The following BTBD9 variants were observed in gnomAD, a reference collection of about 807,000 sequenced individuals.
BTBD9 encodes the protein BTB domain containing 9.
BTBD9 carries 49 observed loss-of-function variants against 64.3 expected under a neutral mutation model. The ratio of observed to expected loss-of-function variants is 0.76; its 90% CI spans 0.61 to 0.97. The LOEUF (loss-of-function observed/expected upper bound fraction) is 0.97. Ranked by LOEUF, BTBD9 falls within the 50% of genes least tolerant of loss-of-function variation. The probability of loss-of-function intolerance (pLI) is 0.00; values close to 1 mark genes in which losing one functional copy is unlikely to be tolerated. For missense variants in BTBD9, 598 were observed against 762.1 expected, an observed-to-expected ratio of 0.78 and a Z score of 2.53; for synonymous variants, 260 against 274.7, an observed-to-expected ratio of 0.95 and a Z score of 0.53.
At chr6:38,249,972 T>C (rs1764337102) in intron 9 of BTBD9, among the ~76,000 whole-genome samples, 2 of 152,296 alleles carry the variant, frequency 1.3e-5, no homozygotes, top group South Asian at 2.1e-4. Context: ...CAAGGATCTA[T>C]AGTTTCTGAC....
intron 6 of BTBD9, among the ~76,000 whole-genome samples, chr6:38,397,977 G>A (rs1766756602): frequency 6.6e-6 from 1 of 152,192 alleles, no homozygotes; most frequent in South Asian, 2.1e-4. Flanking sequence ...TAATAGAGTA[G>A]AAGGAATGGA....
intron 7 of BTBD9, among the ~76,000 whole-genome samples, chr6:38,340,021 A>G (rs113283396): frequency 4.1e-4 from 62 of 152,338 alleles, no homozygotes; most frequent in African/African-American, 1.2e-3. Flanking sequence ...GCAAATGAAT[A>G]TTGTACTGTA....
chr6:38,375,548 C>T (rs1228313677), intron 6 of BTBD9, among the ~76,000 whole-genome samples: 1 of 152,170 alleles, frequency 6.6e-6, no homozygotes, highest in Non-Finnish European at 1.5e-5. Context: ...ACATTTTTGT[C>T]TATCACTTGC....
intron 9 of BTBD9, among the ~76,000 whole-genome samples, chr6:38,230,887 A>T (rs1763583568): frequency 6.6e-6 from 1 of 151,970 alleles, no homozygotes; most frequent in African/African-American, 2.4e-5. Context: ...CAGCCTAGTC[A>T]CTCTCTAATT....
At chr6:38,626,265 T>G (rs886493030) in intron 1 of BTBD9, among the ~76,000 whole-genome samples, 6 of 152,336 alleles carry the variant, frequency 3.9e-5, no homozygotes, top group African/African-American at 1.4e-4. Flanking sequence ...TCATGGAAAA[T>G]GGGGTATCCA....
intron 1 of BTBD9, among the ~76,000 whole-genome samples, chr6:38,613,651 A>G (rs1777692962): frequency 6.6e-6 from 1 of 152,100 alleles, no homozygotes; most frequent in Non-Finnish European, 1.5e-5. Context: ...TACAGCCCAT[A>G]TGGACACATG....
At chr6:38,301,226 G>C (rs952203348) in intron 7 of BTBD9, among the ~76,000 whole-genome samples, 12 of 152,188 alleles carry the variant, frequency 7.9e-5, no homozygotes, top group Admixed American at 3.3e-4. Context: ...GATCATGGTA[G>C]ATAAGCTTTT....
intron 2 of BTBD9, 118 bp downstream of exon 2, chr6:38,597,792 G>T: frequency 2.4e-6 from 2 of 819,422 alleles, no homozygotes; most frequent in South Asian, 1.9e-5. Context: ...CATAGATATT[G>T]AATTGAGAGA....
intron 7 of BTBD9, among the ~76,000 whole-genome samples, chr6:38,321,115 A>G (rs1474310754): frequency 6.6e-6 from 1 of 152,192 alleles, no homozygotes; most frequent in African/African-American, 2.4e-5. Flanking sequence ...TTTTAATTAA[A>G]CGAAGGGGTC....
intron 6 of BTBD9, among the ~76,000 whole-genome samples, chr6:38,450,835 A>G (rs1280271371): frequency 6.6e-6 from 1 of 152,202 alleles, no homozygotes; most frequent in Non-Finnish European, 1.5e-5. Flanking sequence ...GCATTCTAAC[A>G]AGGTCTCCAG....
chr6:38,484,972 C>T (rs1174631046), intron 6 of BTBD9, among the ~76,000 whole-genome samples: 2 of 152,170 alleles, frequency 1.3e-5, no homozygotes, highest in African/African-American at 4.8e-5. Context: ...TTATCTGTAG[C>T]ATACGATGCT....
At chr6:38,570,267 G>A (rs1775703597) in intron 6 of BTBD9, among the ~76,000 whole-genome samples, 1 of 152,154 alleles carries the variant, frequency 6.6e-6, no homozygotes. Flanking sequence ...GGTAGTAAGA[G>A]CTTCTTCAGG....
chr6:38,586,279 T>A (rs1767214333), intron 4 of BTBD9, among the ~76,000 whole-genome samples: 1 of 151,910 alleles, frequency 6.6e-6, no homozygotes, highest in Non-Finnish European at 1.5e-5. Flanking sequence ...GAAAAAAAAA[T>A]TCATTAAAAA....
In BTBD9 at chr6:38,384,129, T is replaced by C. The variant is rs180704361; in HGVS notation, c.1155-39036A>G. ...ACTCAGTTGCAAGCTGAGTGCAAAA[T>C]TGGAGTATATTCTACCCTTAAATCT... On this transcript the variant is annotated intron_variant, in intron 6 of 10. Transcript: ENST00000481247. Among the ~76,000 whole-genome samples, 33 of 152,294 alleles carry C rather than the reference T, an allele frequency of 2.2e-4. 1 individual carries two copies. In the East Asian group the frequency reaches 4.2e-3, roughly 20 times the overall value.
intron 6 of BTBD9, among the ~76,000 whole-genome samples, chr6:38,566,685 A>C (rs1340045964): frequency 2.0e-5 from 3 of 152,204 alleles, no homozygotes; most frequent in Non-Finnish European, 4.4e-5. Context: ...ATTGTAGTCT[A>C]TTGTTTTGTG....
chr6:38,478,202 G>A (rs187387137), intron 6 of BTBD9, among the ~76,000 whole-genome samples: 25 of 152,278 alleles, frequency 1.6e-4, no homozygotes, highest in Admixed American at 1.0e-3. Flanking sequence ...CTCTGATTAC[G>A]TGCGTATATA....
At chr6:38,226,836 C>T (rs1237791910) in intron 9 of BTBD9, among the ~76,000 whole-genome samples, 1 of 152,180 alleles carries the variant, frequency 6.6e-6, no homozygotes, top group Non-Finnish European at 1.5e-5. Context: ...CCATGGGGAT[C>T]CAATTAACTA....
intron 6 of BTBD9, among the ~76,000 whole-genome samples, chr6:38,468,552 T>A (rs1394111094): frequency 1.3e-5 from 2 of 152,218 alleles, no homozygotes; most frequent in African/African-American, 4.8e-5. Flanking sequence ...TCCTAGAGCA[T>A]TTGTACTTCT....
chr6:38,340,478 C>G (rs1562047850), intron 7 of BTBD9, among the ~76,000 whole-genome samples: 1 of 152,166 alleles, frequency 6.6e-6, no homozygotes, highest in Non-Finnish European at 1.5e-5. Flanking sequence ...ATTTGAATAT[C>G]ATTACTAATA....
Sources: allele counts gnomAD v4.1 joint callset (sites outside exome capture counted in the v4.1 genomes callset), GRCh38; gene constraint gnomAD v4.1.1; transcripts MANE v1.5; gene names NCBI Gene and HGNC (gene_info 2026-07-23, HGNC 2026-07-21).